NDUFAF6: variants seen among roughly 807,000 people sequenced by gnomAD.
The protein encoded by NDUFAF6 is NADH:ubiquinone oxidoreductase complex assembly factor 6, also known as NADH dehydrogenase (ubiquinone) complex I, assembly factor 6.
A neutral mutation model predicts 40.8 loss-of-function variants in NDUFAF6; 45 were observed. The ratio of observed to expected loss-of-function variants is 1.10; its 90% CI spans 0.87 to 1.42. The LOEUF (loss-of-function observed/expected upper bound fraction) is 1.42, where lower values mean the gene tolerates loss of function less well. Ranked by LOEUF, NDUFAF6 falls within the 40% of genes most tolerant of loss-of-function variation. NDUFAF6 has a pLI of 0.00. For missense variants in NDUFAF6, 435 were observed against 418.5 expected, an observed-to-expected ratio of 1.04 and a Z score of -0.34; for synonymous variants, 185 against 155.9, an observed-to-expected ratio of 1.19 and a Z score of -1.39.
At chr8:94,996,848 T>G (rs1488701671) in intron 2 of NDUFAF6, among the ~76,000 whole-genome samples, 4 of 152,106 alleles carry the variant, frequency 2.6e-5, no homozygotes, top group African/African-American at 9.7e-5. Context: ...GAAGAACACA[T>G]GAAGACGCAG....
chr8:95,066,935 A>G (rs1480891378), intron 9 of NDUFAF6: 1 of 152,088 alleles, frequency 6.6e-6, no homozygotes, highest in East Asian at 1.9e-4. Flanking sequence ...AATAACCAGG[A>G]GAAGTGGCAT....
At chr8:94,965,875 A>AT (rs141224408) in intron 1 of NDUFAF6, among the ~76,000 whole-genome samples, 1 of 152,034 alleles carries the variant, frequency 6.6e-6, no homozygotes. Context: ...TTTTAGAGAT[A>AT]TTTTTTGTCA....
downstream of NDUFAF6, among the ~76,000 whole-genome samples, chr8:95,117,453 GCT>G (rs538552009): frequency 1.0e-3 from 156 of 152,268 alleles, 1 homozygote; most frequent in African/African-American, 3.6e-3. Flanking sequence ...TACAAATAAA[GCT>G]TTTTTTGTGT....
chr8:95,005,915 C>G (rs1021016038), intron 2 of NDUFAF6, among the ~76,000 whole-genome samples: 4 of 152,002 alleles, frequency 2.6e-5, no homozygotes, highest in African/African-American at 4.8e-5. Context: ...TTCCAGAAAC[C>G]GGGCAGACGA....
At chr8:95,094,235 T>C (rs1033014379) in intron 2 of NDUFAF6, among the ~76,000 whole-genome samples, 3 of 151,436 alleles carry the variant, frequency 2.0e-5, no homozygotes, top group African/African-American at 7.3e-5. Flanking sequence ...GCCTTCCAAA[T>C]TGCTGGGATT....
At chr8:95,101,377 C>G (rs1302846227) in intron 2 of NDUFAF6, among the ~76,000 whole-genome samples, 2 of 152,168 alleles carry the variant, frequency 1.3e-5, no homozygotes, top group East Asian at 3.8e-4. Context: ...GCAATTCCCA[C>G]CCAATGCAAT....
chr8:94,992,205 T>C (rs1826225091), intron 2 of NDUFAF6, among the ~76,000 whole-genome samples: 1 of 151,774 alleles, frequency 6.6e-6, no homozygotes, highest in African/African-American at 2.4e-5. Context: ...ATATGACATG[T>C]GGCTGGGCAC....
chr8:94,986,679 G>A (rs1825923750), intron 2 of NDUFAF6, among the ~76,000 whole-genome samples: 2 of 152,150 alleles, frequency 1.3e-5, no homozygotes. Context: ...TCAAAGATGA[G>A]GAAGGCTTTG....
At chr8:95,053,631 C>T (rs28673135) in intron 8 of NDUFAF6, among the ~76,000 whole-genome samples, 3,573 of 144,504 alleles carry the variant, frequency 0.025, 153 homozygotes, top group African/African-American at 0.086. Flanking sequence ...CTTTTTCTTT[C>T]TTTTTTTTTT....
rs111260311 is a variant in NDUFAF6, at chr8:95,051,772, A to G, written c.817-402A>G. Among the ~76,000 whole-genome samples, 994 of 152,294 alleles carry G rather than the reference A, an allele frequency of 6.5e-3. 15 individuals carry two copies. The highest frequency in any genetic ancestry group is 0.034 in the Middle Eastern group (10 of 294). On this transcript the variant is annotated intron_variant, in intron 7 of 8. Coordinates refer to ENST00000396124, the MANE Select transcript of NDUFAF6 (RefSeq NM_152416.4). ...TTTGTCCGGCTGCGTGGAACGAATT[A>G]AAGGTCAGGGAACACAGGCAAGATC...
downstream of NDUFAF6, among the ~76,000 whole-genome samples, chr8:95,081,143 C>CTTTT (rs559573385): frequency 6.9e-5 from 4 of 57,712 alleles, no homozygotes; most frequent in African/African-American, 1.6e-4. Context: ...AGTCCTGCAT[C>CTTTT]TTTTTTTTTT....
At position 94,987,722 on chromosome 8, in the gene NDUFAF6, A is replaced by G. The variant is rs372584140; in HGVS notation, c.-84+6749A>G. The stretch of plus-strand genomic sequence containing the variant: ...CTATGAAGAGAGGAAAGCTGGAGAC[A>G]AAAAGAGGAAGCAAGAGATGAATTG... On this transcript the variant is annotated intron_variant, in intron 2 of 9. Coordinates refer to the NDUFAF6 transcript ENST00000396111. Among the ~76,000 whole-genome samples the G allele has an allele frequency of 1.1e-4, 16 of 152,296 alleles. 1 individual carries two copies. The highest frequency in any genetic ancestry group is 3.9e-4 in the African/African-American group (16 of 41,548).
intron 2 of NDUFAF6, among the ~76,000 whole-genome samples, chr8:95,018,541 G>A (rs556164790): frequency 4.8e-4 from 72 of 151,426 alleles, no homozygotes; most frequent in Non-Finnish European, 8.4e-4. Context: ...TTTCCTCAAG[G>A]TGCTCCCAAT....
chr8:95,030,962 G>C (rs1313598296), intron 1 of NDUFAF6, among the ~76,000 whole-genome samples: 1 of 152,170 alleles, frequency 6.6e-6, no homozygotes, highest in Non-Finnish European at 1.5e-5. Context: ...GAGGTGCCAG[G>C]CTCTTTTAAG....
chr8:94,932,217 C>T, intron 1 of NDUFAF6: 1 of 1,141,124 alleles, frequency 8.8e-7, no homozygotes, highest in South Asian at 1.3e-5. Flanking sequence ...TTACTATGTG[C>T]CATTAAAGGC....
At chr8:94,903,912 C>T (rs189978917) in intron 1 of NDUFAF6, among the ~76,000 whole-genome samples, 1 of 152,170 alleles carries the variant, frequency 6.6e-6, no homozygotes, top group Non-Finnish European at 1.5e-5. Flanking sequence ...TCCTTTCCCA[C>T]TCCTGTGCCT....
intron 2 of NDUFAF6, 55 bp from the exon 3 acceptor site, chr8:95,035,399 G>A: frequency 6.3e-7 from 1 of 1,595,934 alleles, no homozygotes; most frequent in Non-Finnish European, 8.6e-7. Flanking sequence ...CAAAGATACT[G>A]ATTTTTTAGA....
rs764715910 is a variant in NDUFAF6, at chr8:95,094,301, C to A, written n.214-6831C>A. 3.9e-5 allele frequency among the ~76,000 whole-genome samples: 6 copies of A among 151,922 alleles called. No individual in the cohort carries two copies. In the East Asian group the frequency reaches 1.2e-3, roughly 30 times the overall value. ...AATACTTCCTTTTTCACCCCTTCCT[C>A]TTCCACTTCCTTTGGCCACTGTGCC... On this transcript the variant is annotated intron_variant and non_coding_transcript_variant, in intron 2 of 5. Transcript: ENST00000523184.
chr8:94,967,586 T>C (rs1354102761), intron 1 of NDUFAF6, among the ~76,000 whole-genome samples: 4 of 152,216 alleles, frequency 2.6e-5, no homozygotes, highest in East Asian at 1.9e-4. Flanking sequence ...GTCAGGAAAC[T>C]GAGCAGGGCT....
Sources: allele counts gnomAD v4.1 joint callset (sites outside exome capture counted in the v4.1 genomes callset), GRCh38; gene constraint gnomAD v4.1.1; transcripts MANE v1.5; gene names NCBI Gene and HGNC (gene_info 2026-07-23, HGNC 2026-07-21).